Variants in WFDC1 observed in about 807,000 individuals in gnomAD.
WFDC1 encodes WAP four-disulfide core domain protein 1.
WFDC1 carries 39 observed loss-of-function variants against 32.9 expected under a neutral mutation model. That is an observed-to-expected ratio of 1.19 (90% CI 0.92 to 1.55). WFDC1 has a LOEUF of 1.55. WFDC1 is among the 40% of genes most tolerant of loss of function. The pLI is 0.00. For synonymous variants in WFDC1, 184 were observed against 137.4 expected, an observed-to-expected ratio of 1.34 and a Z score of -2.37; for missense variants, 386 against 309.5, an observed-to-expected ratio of 1.25 and a Z score of -1.85.
intron 4 of WFDC1, among the ~76,000 whole-genome samples, chr16:84,322,775 T>C (rs1908384038): frequency 6.6e-6 from 1 of 152,172 alleles, no homozygotes; most frequent in Non-Finnish European, 1.5e-5. Context: ...AAATCTGGTT[T>C]TTCAGAGAGT....
intron 1 of WFDC1, among the ~76,000 whole-genome samples, chr16:84,297,321 C>T (rs971761098): frequency 1.3e-5 from 2 of 152,124 alleles, no homozygotes; most frequent in Non-Finnish European, 2.9e-5. Context: ...GAGGTTTATG[C>T]AGAACAACTG....
chr16:84,327,021 T>C, intron 6 of WFDC1, 66 bp downstream of exon 6: 1 of 1,535,142 alleles, frequency 6.5e-7, no homozygotes, highest in Non-Finnish European at 9.0e-7. Context: ...CTGGCAGCTT[T>C]CACCACCAGG....
chr16:84,327,309 G>A (rs759122637), intron 6 of WFDC1: 3 of 222,788 alleles, frequency 1.3e-5, no homozygotes, highest in Non-Finnish European at 2.7e-5. Flanking sequence ...TCCTGCCTCA[G>A]CTTTAGTCTC....
intron 1 of WFDC1, among the ~76,000 whole-genome samples, chr16:84,311,727 G>T (rs1215054450): frequency 7.3e-6 from 1 of 136,990 alleles, no homozygotes; most frequent in African/African-American, 2.8e-5. Context: ...AGTGGAGAAG[G>T]GGTTTCGCTA....
intron 1 of WFDC1, among the ~76,000 whole-genome samples, chr16:84,312,632 A>G (rs1907699623): frequency 6.6e-6 from 1 of 152,200 alleles, no homozygotes; most frequent in Non-Finnish European, 1.5e-5. Flanking sequence ...ATACACATAT[A>G]TACCACATAT....
intron 4 of WFDC1, among the ~76,000 whole-genome samples, chr16:84,322,608 C>G (rs1908373638): frequency 6.6e-6 from 1 of 152,230 alleles, no homozygotes; most frequent in Non-Finnish European, 1.5e-5. Flanking sequence ...GAGTAAGCGA[C>G]AGGCCCTGTG....
At position 84,323,135 on chromosome 16, in the gene WFDC1, T is replaced by C. The variant is rs184828611; in HGVS notation, c.563-1284T>C. Among the ~76,000 whole-genome samples the C allele has an allele frequency of 3.9e-5, 6 of 152,162 alleles. No homozygotes were observed. In the East Asian group the frequency reaches 9.7e-4, roughly 25 times the overall value. On this transcript the variant is annotated intron_variant, in intron 4 of 6. Coordinates refer to ENST00000219454, the MANE Select transcript of WFDC1 (RefSeq NM_021197.4). Reference sequence around the variant, plus strand: ...AACCTTAGCCATTTGCTTTGGAAAATAGTTATTGCTGCAGTTGCTGATCAG... The same window carrying C: ...AACCTTAGCCATTTGCTTTGGAAAACAGTTATTGCTGCAGTTGCTGATCAG...
rs1597687361 is a variant in WFDC1, at chr16:84,318,292, C to T, written c.358C>T (p.Pro120Ser). The change falls in exon 3 of 7, where the codon CCG becomes TCG. Residue 120 changes from proline to serine, a missense_variant. Coordinates refer to ENST00000219454, the MANE Select transcript of WFDC1 (RefSeq NM_021197.4). ...PPPVLDWLVQPKPRWLGGNGW... is the reference protein window; with the variant it reads ...PPPVLDWLVQSKPRWLGGNGW... Reference sequence around the variant, plus strand: ...GTTAGTCTTAGACTGGCTGGTGCAGCCGAAACCTCGATGGCTTGGTGGCAA... The same window carrying T: ...GTTAGTCTTAGACTGGCTGGTGCAGTCGAAACCTCGATGGCTTGGTGGCAA... 1.2e-6 allele frequency: 2 copies of T among 1,614,118 alleles called. No individual in the cohort carries two copies. The highest frequency in any genetic ancestry group is 1.7e-6 in the Non-Finnish European group (2 of 1,179,990).
chr16:84,317,759 G>A (rs1466355303), intron 2 of WFDC1: 2 of 158,954 alleles, frequency 1.3e-5, no homozygotes, highest in African/African-American at 4.8e-5. Flanking sequence ...GCAACAAAAA[G>A]ACCCATAAAT....
At chr16:84,314,659 C>G (rs1372244500) in intron 2 of WFDC1, among the ~76,000 whole-genome samples, 1 of 152,216 alleles carries the variant, frequency 6.6e-6, no homozygotes, top group Non-Finnish European at 1.5e-5. Flanking sequence ...CAGACAGGGA[C>G]TATTTCAGTA....
intron 1 of WFDC1, among the ~76,000 whole-genome samples, chr16:84,304,845 C>G (rs1317847709): frequency 6.6e-6 from 1 of 152,172 alleles, no homozygotes; most frequent in South Asian, 2.1e-4. Context: ...CCCATTTTGA[C>G]TCCACCCTGA....
At chr16:84,310,549 A>T (rs430002) in intron 1 of WFDC1, among the ~76,000 whole-genome samples, 86,119 of 151,666 alleles carry the variant, frequency 0.57, 25,444 homozygotes, top group East Asian at 0.98. Flanking sequence ...TGTACAATAG[A>T]AAGAAATCTC....
At chr16:84,295,309 C>T in intron 1 of WFDC1, 194 bp downstream of exon 1, 1 of 617,964 alleles carries the variant, frequency 1.6e-6, no homozygotes, top group Non-Finnish European at 2.7e-6. Flanking sequence ...GGACCCTTAT[C>T]TGTGAATCAA....
At position 84,311,641 on chromosome 16, in the gene WFDC1, G is replaced by A. The variant is rs142597725; in HGVS notation, c.145-1320G>A. Among the ~76,000 whole-genome samples the A allele has an allele frequency of 4.4e-3, 573 of 131,172 alleles. 3 individuals carry two copies. Among genetic ancestry groups the A allele is most frequent in the African/African-American group, 0.016 (550 of 34,988 alleles). 86.1% of individuals were successfully genotyped at this position (131,172 alleles called of 152,430 possible). On this transcript the variant is annotated intron_variant, in intron 1 of 6. Transcript: ENST00000219454. ...CCTCCTGGGATCAAACCATCCTCCCGCCTCAGCCTCCCAAGTACCTGGGAC... is the reference window on the plus strand; with the variant it reads ...CCTCCTGGGATCAAACCATCCTCCCACCTCAGCCTCCCAAGTACCTGGGAC...
chr16:84,298,342 G>A (rs1030430811), intron 1 of WFDC1, among the ~76,000 whole-genome samples: 2 of 152,038 alleles, frequency 1.3e-5, no homozygotes, highest in African/African-American at 2.4e-5. Flanking sequence ...TGATCCGCCC[G>A]CCTCGGCCTC....
chr16:84,319,613 GT>G, intron 4 of WFDC1, 42 bp downstream of exon 4: 1 of 1,601,532 alleles, frequency 6.2e-7, no homozygotes, highest in Admixed American at 1.7e-5. Flanking sequence ...TCCTGCCCCA[GT>G]CCCCTTCTCC....
chr16:84,305,860 A>G (rs1452168980), intron 1 of WFDC1, among the ~76,000 whole-genome samples: 2 of 152,140 alleles, frequency 1.3e-5, no homozygotes, highest in East Asian at 1.9e-4. Context: ...AATATTAGCC[A>G]GGCGTGGTGG....
intron 1 of WFDC1, chr16:84,295,507 T>A (rs1211974637): frequency 3.0e-6 from 1 of 329,770 alleles, no homozygotes; most frequent in Non-Finnish European, 5.5e-6. Flanking sequence ...GGTTGTTTAT[T>A]CATTCAGCAA....
intron 1 of WFDC1, among the ~76,000 whole-genome samples, chr16:84,306,404 C>G (rs897066742): frequency 1.3e-5 from 2 of 152,122 alleles, no homozygotes; most frequent in African/African-American, 4.8e-5. Flanking sequence ...GGAAGCGTTC[C>G]GAGTAGAAGG....
Sources: allele counts gnomAD v4.1 joint callset (sites outside exome capture counted in the v4.1 genomes callset), GRCh38; gene constraint gnomAD v4.1.1; transcripts MANE v1.5; gene names NCBI Gene and HGNC (gene_info 2026-07-23, HGNC 2026-07-21).